The following RTL1 variants were observed in gnomAD, a reference collection of about 807,000 sequenced individuals.
The protein encoded by RTL1 is retrotransposon-like protein 1.
For synonymous variants in RTL1, 727 were observed against 748.4 expected, an observed-to-expected ratio of 0.97 and a Z score of 0.47; for missense variants, 1,681 against 1,767.5, an observed-to-expected ratio of 0.95 and a Z score of 0.88.
In RTL1 at chr14:100,881,274, C is replaced by A. The variant is rs373498099; in HGVS notation, c.3515G>T (p.Arg1172Leu). The A allele has an allele frequency of 6.5e-7, 1 of 1,550,200 alleles. No individual in the cohort carries two copies. The highest frequency in any genetic ancestry group is 8.7e-7 in the Non-Finnish European group (1 of 1,146,834). ...ELAELFLGPG[R>L]WQRNALHSQA... ...GGAGTGCAGAGCATTTCGCTGCCAG[C>A]GGCCAGGGCCCAGGAACAGCTCAGC... is the stretch of plus-strand genomic sequence containing the variant. The change falls in exon 4 of 4, where the codon CGC becomes CTC. Residue 1172 changes from arginine (R) to leucine (L), a missense_variant. Coordinates refer to ENST00000649591, the MANE Select transcript of RTL1 (RefSeq NM_001134888.3). This position sits in a 1 kb window ranked among gnomAD's most constrained non-coding sequence, Gnocchi z 6.6.
rs978027407 is a variant in RTL1 at position 100,883,564 on chromosome 14, G to A, written c.1225C>T (p.Leu409Phe). Residue 409 changes from leucine to phenylalanine, a missense_variant, in exon 4 of 4, where the codon CTC becomes TTC. Physicochemically the swap from Leu to Phe is conservative, Grantham distance 22. Transcript: ENST00000649591. This position sits in a 1 kb window ranked among gnomAD's most constrained non-coding sequence, Gnocchi z 5.9. ...EVHPDINRAH[L>F]FLLLMVRVNP... The stretch of plus-strand genomic sequence containing the variant: ...ACTCTCACCATGAGCAGCAGGAAGA[G>A]GTGGGCGCGATTGATGTCCGGATGG... 5.8e-6 allele frequency: 9 copies of A among 1,551,396 alleles called. No individual in the cohort carries two copies. Among genetic ancestry groups the A allele is most frequent in the East Asian group, 2.4e-5 (1 of 40,918 alleles).
chr14:100,896,730 C>T (rs1394249788), intron 2 of RTL1, among the ~76,000 whole-genome samples: 2 of 152,170 alleles, frequency 1.3e-5, no homozygotes, highest in African/African-American at 2.4e-5. Context: ...GCCACAGTCC[C>T]TCTGGGTTAG....
At chr14:100,889,456 A>G (rs1261063412) in intron 3 of RTL1, among the ~76,000 whole-genome samples, 1 of 152,188 alleles carries the variant, frequency 6.6e-6, no homozygotes, top group Non-Finnish European at 1.5e-5. Context: ...CACCACCTAC[A>G]GTTTCCAGCT....
Position 100,881,200 on chromosome 14 carries a change from A to C in RTL1, c.3589T>G (p.Cys1197Gly). ...QFTPGFWLTL[C>G]EFFGVRVTPQ... ...GTGACTCTGACACCGAAGAACTCAC[A>C]CAGCGTCAGCCAGAAGCCAGGGGTG... Residue 1197 changes from cysteine (C) to glycine (G), a missense_variant, in exon 4 of 4, where the codon TGT becomes GGT. Coordinates refer to ENST00000649591, the MANE Select transcript of RTL1 (RefSeq NM_001134888.3). This position sits in a 1 kb window ranked among gnomAD's most constrained non-coding sequence, Gnocchi z 6.6. The C allele has an allele frequency of 6.5e-7, 1 of 1,543,100 alleles. No individual in the cohort carries two copies. The highest frequency in any genetic ancestry group is 8.8e-7 in the Non-Finnish European group (1 of 1,142,714).
chr14:100,903,490 G>A (rs748808024), intron 1 of RTL1, among the ~76,000 whole-genome samples, 104 bp from the exon 2 acceptor site: 1 of 152,170 alleles, frequency 6.6e-6, no homozygotes, highest in Non-Finnish European at 1.5e-5. Context: ...GCCAAGTCCC[G>A]AACTGGGCTG....
intron 2 of RTL1, among the ~76,000 whole-genome samples, chr14:100,899,315 T>C (rs892811884): frequency 1.3e-5 from 2 of 152,198 alleles, no homozygotes; most frequent in African/African-American, 4.8e-5. Context: ...CTGATTGCCA[T>C]TATGGCTCCT....
In RTL1 at chr14:100,880,634, G is replaced by C; in HGVS notation, c.*78C>G. 1 of 1,527,002 alleles carries C rather than the reference G, an allele frequency of 6.5e-7. No individual in the cohort carries two copies. Among genetic ancestry groups the C allele is most frequent in the Admixed American group, 2.0e-5 (1 of 49,620 alleles). The allele number at this position is 1,527,002 out of a possible 1,614,324, so 94.6% of individuals were successfully genotyped here. On this transcript the variant is annotated 3_prime_UTR_variant, in exon 4 of 4. Coordinates refer to ENST00000649591, the MANE Select transcript of RTL1 (RefSeq NM_001134888.3). ...GAAGGGAAGCGAAGCAGGCTGAGGCGCGGGGAGGCCAGGGGACGTCGGGAG... is the reference window on the plus strand; with the variant it reads ...GAAGGGAAGCGAAGCAGGCTGAGGCCCGGGGAGGCCAGGGGACGTCGGGAG...
chr14:100,902,109 G>A (rs1346102693), intron 2 of RTL1, among the ~76,000 whole-genome samples: 5 of 152,296 alleles, frequency 3.3e-5, no homozygotes, highest in African/African-American at 4.8e-5. Context: ...GATGCCTCCT[G>A]TAACAGGGAG....
intron 2 of RTL1, among the ~76,000 whole-genome samples, chr14:100,900,818 C>T (rs754685169): frequency 6.6e-6 from 1 of 152,228 alleles, no homozygotes; most frequent in Non-Finnish European, 1.5e-5. Flanking sequence ...CCCCCTCCCC[C>T]GTTTATGTAA....
chr14:100,880,817 C>A lies in RTL1; in HGVS notation c.3972G>T (p.Leu1324=). ...AARALSQFLT[L]IYRRALPIPA... ...GGATGGGCAGGGCCCGCCTGTAGATCAGGGTCAGGAACTGGCTCAGGGCCC... is the reference window on the plus strand; with the variant it reads ...GGATGGGCAGGGCCCGCCTGTAGATAAGGGTCAGGAACTGGCTCAGGGCCC... The change falls in exon 4 of 4, where the codon CTG becomes CTT. Residue 1324 remains leucine, a synonymous_variant. Transcript: ENST00000649591. The A allele has an allele frequency of 6.4e-7, 1 of 1,550,626 alleles. No individual in the cohort carries two copies. Among genetic ancestry groups the A allele is most frequent in the South Asian group, 1.2e-5 (1 of 84,046 alleles).
rs1009269166 is a variant in RTL1 at position 100,882,360 on chromosome 14, C to T, written c.2429G>A (p.Arg810Gln). The T allele has an allele frequency of 6.4e-7, 1 of 1,551,702 alleles. No homozygotes were observed. The highest frequency in any genetic ancestry group is 8.7e-7 in the Non-Finnish European group (1 of 1,146,998). The part of the protein sequence containing the change: ...YPTPGSKLSL[R>Q]NFIEFVFPYR... ...GGGGAAGACGAATTCGATGAAGTTTCGCAGAGATAGCTTGGAGCCAGGGGT... is the reference window on the plus strand; with the variant it reads ...GGGGAAGACGAATTCGATGAAGTTTTGCAGAGATAGCTTGGAGCCAGGGGT... The change falls in exon 4 of 4, where the codon CGA (arginine) becomes CAA (glutamine). Residue 810 changes from arginine (R) to glutamine (Q), a missense_variant. Transcript: ENST00000649591.
rs1464067701 is a variant in RTL1, at chr14:100,881,225, G to A, written c.3564C>T (p.Phe1188=). The change falls in exon 4 of 4, where the codon TTC becomes TTT. Residue 1188 remains phenylalanine (F), a synonymous_variant. Transcript: ENST00000649591. The surrounding 1 kb of genome is among the most constrained non-coding windows in gnomAD (Gnocchi z 6.6). ...ACAGCGTCAGCCAGAAGCCAGGGGT[G>A]AACTGCAGGCCTCGGTGGGCCTGGG... ...LHSQAHRGLQ[F]TPGFWLTLCE... 1.9e-6 allele frequency: 3 copies of A among 1,546,794 alleles called. No individual in the cohort carries two copies. Among genetic ancestry groups the A allele is most frequent in the East Asian group, 4.9e-5 (2 of 40,856 alleles).
In RTL1 at chr14:100,884,870, A is replaced by T. The variant is rs563312543; in HGVS notation, c.-82T>A. ...GTCAGTAGCTGGGACCGTGGAGATC[A>T]GAACCTGGTGGTGGAAGGGGAGTGT... On this transcript the variant is annotated 5_prime_UTR_variant, in exon 4 of 4. Transcript: ENST00000649591. 39 of 1,335,698 alleles carry T rather than the reference A, an allele frequency of 2.9e-5. 1 individual carries two copies. In the South Asian group the frequency reaches 5.7e-4, roughly 20 times the overall value. 82.7% of individuals were successfully genotyped at this position (1,335,698 alleles called of 1,614,324 possible). A position where few individuals can be genotyped will look rare whatever the true frequency, so the allele number is the denominator to read the frequency against.
In RTL1 at chr14:100,883,877, G is replaced by A; in HGVS notation, c.912C>T (p.Tyr304=). The A allele has an allele frequency of 6.4e-7, 1 of 1,551,592 alleles. No individual in the cohort carries two copies. The highest frequency in any genetic ancestry group is 2.4e-5 in the East Asian group (1 of 40,916). ...GTACCAGGCTCTGGAACTCATCGAT[G>A]TACTCAGTGGCAGAGCGGCCGCCCT... ...IRQGGRSATE[Y]IDEFQSLVPI... The change falls in exon 4 of 4, where the codon TAC becomes TAT. Residue 304 remains tyrosine, a synonymous_variant. Transcript: ENST00000649591. This position sits in a 1 kb window ranked among gnomAD's most constrained non-coding sequence, Gnocchi z 5.9.
intron 2 of RTL1, among the ~76,000 whole-genome samples, chr14:100,903,002 C>T (rs553671139): frequency 2.1e-4 from 32 of 152,166 alleles, no homozygotes; most frequent in Admixed American, 4.6e-4. Flanking sequence ...TCAAGTCAGC[C>T]GGAGGCAGCC....
Position 100,879,851 on chromosome 14 carries a change from T to C in RTL1, c.*861A>G, listed in dbSNP as rs1010967995. Among the ~76,000 whole-genome samples, 4 of 151,774 alleles carry C rather than the reference T, an allele frequency of 2.6e-5. No individual in the cohort carries two copies. Among genetic ancestry groups the C allele is most frequent in the Non-Finnish European group, 4.4e-5 (3 of 67,966 alleles). ...CTACTCCCCTTGCAAAGCGGTGGTG[T>C]GGCCAGAGCCTCTCTGTGACTCGGC... On this transcript the variant is annotated 3_prime_UTR_variant, in exon 4 of 4. Transcript: ENST00000649591.
rs531913473 is a variant in RTL1 at position 100,882,098 on chromosome 14, G to A, written c.2691C>T (p.Thr897=). 8 of 1,574,248 alleles carry A rather than the reference G, an allele frequency of 5.1e-6. No individual in the cohort carries two copies. The highest frequency in any genetic ancestry group is 1.7e-4 in the Middle Eastern group (1 of 6,046). The change falls in exon 4 of 4, where the codon ACC becomes ACT. Residue 897 remains threonine (T), a synonymous_variant. Transcript: ENST00000649591. The part of the protein sequence containing the change: ...HASLIQIDDQ[T]GKRACCAFYS... ...AGAAAGCGCAGCAGGCTCTCTTGCCGGTTTGGTCGTCGATTTGGATCAGGG... is the reference window on the plus strand; with the variant it reads ...AGAAAGCGCAGCAGGCTCTCTTGCCAGTTTGGTCGTCGATTTGGATCAGGG...
In RTL1 at chr14:100,883,768, C is replaced by G. The variant is rs2038656147; in HGVS notation, c.1021G>C (p.Val341Leu). 1 of 1,551,512 alleles carries G rather than the reference C, an allele frequency of 6.4e-7. No homozygotes were observed. The highest frequency in any genetic ancestry group is 1.4e-5 in the African/African-American group (1 of 73,038). ...NEEIRHYLFR[V>L]PQPDSLDSLI... ...CTGTCTAGGGAATCCGGCTGAGGGA[C>G]CCGGAATAGATAGTGCCTGATCTCC... The change falls in exon 4 of 4, where the codon GTC (valine) becomes CTC (leucine). Residue 341 changes from valine (V) to leucine (L), a missense_variant. Transcript: ENST00000649591. The surrounding 1 kb of genome is among the most constrained non-coding windows in gnomAD (Gnocchi z 5.9).
chr14:100,900,126 C>T lies in RTL1; in HGVS notation c.-149+3165G>A, dbSNP rs531938758. ...AAATAACATATAAAAAGTCAGACTT[C>T]TCCACAGGCAGATTTTTTGAGGCTC... On this transcript the variant is annotated intron_variant, in intron 2 of 3. Coordinates refer to ENST00000649591, the MANE Select transcript of RTL1 (RefSeq NM_001134888.3). Among the ~76,000 whole-genome samples, 7 of 152,350 alleles carry T rather than the reference C, an allele frequency of 4.6e-5. No individual in the cohort carries two copies. In the East Asian group the frequency reaches 1.2e-3, roughly 25 times the overall value.
Sources: allele counts gnomAD v4.1 joint callset (sites outside exome capture counted in the v4.1 genomes callset), GRCh38; gene constraint gnomAD v4.1.1; non-coding constraint Gnocchi (gnomAD v3.1); transcripts MANE v1.5; gene names NCBI Gene and HGNC (gene_info 2026-07-23, HGNC 2026-07-21).